Variants in TNRC6A observed in about 807,000 individuals in gnomAD.
The protein encoded by TNRC6A is trinucleotide repeat containing adaptor 6A.
In TNRC6A, 44 loss-of-function variants were observed where a neutral mutation model predicts 221.2. The ratio of observed to expected loss-of-function variants is 0.20; its 90% CI spans 0.16 to 0.26. The LOEUF (loss-of-function observed/expected upper bound fraction) is 0.26, where lower values mean the gene tolerates loss of function less well. Ranked by LOEUF, TNRC6A falls within the 10% of genes least tolerant of loss-of-function variation. The pLI is 1.00. For synonymous variants in TNRC6A, 847 were observed against 838.5 expected, an observed-to-expected ratio of 1.01 and a Z score of -0.18; for missense variants, 2,199 against 2,404.4, an observed-to-expected ratio of 0.91 and a Z score of 1.79.
At chr16:24,720,870 C>A (rs2056398580) in intron 2 of TNRC6A, among the ~76,000 whole-genome samples, 1 of 148,962 alleles carries the variant, frequency 6.7e-6, no homozygotes, top group Non-Finnish European at 1.5e-5. Flanking sequence ...CCCGTCTCTA[C>A]TAAAACAAAC....
At position 24,777,011 on chromosome 16, in the gene TNRC6A, C is replaced by A. The variant is rs768107642; in HGVS notation, c.242C>A (p.Thr81Asn). 6.2e-7 allele frequency: 1 copy of A among 1,614,120 alleles called. No individual in the cohort carries two copies. The highest frequency in any genetic ancestry group is 1.7e-5 in the Admixed American group (1 of 60,018). The change falls in exon 5 of 25, where the codon ACT becomes AAT. Residue 81 changes from threonine to asparagine, a missense_variant. This residue lies in a region of TNRC6A where 1,405 missense variants were observed against 1,400.2 expected (regional missense o/e 1.00). Coordinates refer to ENST00000395799, the MANE Select transcript of TNRC6A (RefSeq NM_014494.4). ...AACGGCACTTCCACAGCAACCAGCACTAATAATAATGCCAAGCGAGCTACA... is the reference window on the plus strand; with the variant it reads ...AACGGCACTTCCACAGCAACCAGCAATAATAATAATGCCAAGCGAGCTACA... The part of the protein sequence containing the change: ...SNNGTSTATS[T>N]NNNAKRATAN...
At chr16:24,809,806 A>T (rs2058507088) in intron 18 of TNRC6A, among the ~76,000 whole-genome samples, 1 of 152,116 alleles carries the variant, frequency 6.6e-6, no homozygotes. Flanking sequence ...ATTTAATTTG[A>T]TATGTTCTTA....
chr16:24,666,800 C>T (rs1275030306), intron 2 of TNRC6A, among the ~76,000 whole-genome samples: 1 of 150,954 alleles, frequency 6.6e-6, no homozygotes, highest in Non-Finnish European at 1.5e-5. Flanking sequence ...CGAAGGCACT[C>T]CAAAACTTAA....
At position 24,791,535 on chromosome 16, in the gene TNRC6A, C is replaced by A. The variant is rs750173996; in HGVS notation, c.2893C>A (p.Pro965Thr). 1.5e-5 allele frequency: 23 copies of A among 1,538,800 alleles called. No individual in the cohort carries two copies. The highest frequency in any genetic ancestry group is 2.0e-5 in the Non-Finnish European group (23 of 1,147,418). Residue 965 changes from proline to threonine, a missense_variant, in exon 6 of 25, where the codon CCT becomes ACT. Transcript: ENST00000395799. Reference protein sequence around the residue: ...SWGIPPATGKPPGTGWLGGPI... With the variant: ...SWGIPPATGKTPGTGWLGGPI... ...GGGAATCCCACCAGCTACAGGCAAACCTCCTGGTACAGGCTGGCTGGGGGG... is the reference window on the plus strand; with the variant it reads ...GGGAATCCCACCAGCTACAGGCAAAACTCCTGGTACAGGCTGGCTGGGGGG...
chr16:24,780,924 G>A (rs2057828285), intron 5 of TNRC6A, among the ~76,000 whole-genome samples: 1 of 151,446 alleles, frequency 6.6e-6, no homozygotes, highest in Non-Finnish European at 1.5e-5. Context: ...TTAGCACGGT[G>A]TACCTCCTTG....
chr16:24,636,677 A>G (rs868259544), intron 1 of TNRC6A, among the ~76,000 whole-genome samples: 2 of 152,096 alleles, frequency 1.3e-5, no homozygotes, highest in Admixed American at 6.6e-5. Context: ...TTTTATATCA[A>G]TTCATAAATA....
At chr16:24,716,664 C>T (rs925145848) in intron 2 of TNRC6A, among the ~76,000 whole-genome samples, 1 of 151,222 alleles carries the variant, frequency 6.6e-6, no homozygotes, top group African/African-American at 2.4e-5. Context: ...GACCGTCTCT[C>T]AAAAGAAAAA....
At chr16:24,745,468 C>T (rs1433360013) in intron 2 of TNRC6A, among the ~76,000 whole-genome samples, 3 of 152,270 alleles carry the variant, frequency 2.0e-5, no homozygotes, top group Non-Finnish European at 2.9e-5. Flanking sequence ...AGTAGGAGAA[C>T]AGAATGTTTT....
chr16:24,630,138 C>A (rs1461971022), intron 1 of TNRC6A, among the ~76,000 whole-genome samples: 2 of 152,166 alleles, frequency 1.3e-5, no homozygotes, highest in African/African-American at 4.8e-5. Context: ...ACTACCAGAT[C>A]TACCAACCTA....
Position 24,824,016 on chromosome 16 carries a change from C to T in TNRC6A, c.*209C>T, listed in dbSNP as rs1233010164. 1 of 399,162 alleles carries T rather than the reference C, an allele frequency of 2.5e-6. No individual in the cohort carries two copies. Among genetic ancestry groups the T allele is most frequent in the African/African-American group, 2.1e-5 (1 of 48,338 alleles). 24.7% of individuals were successfully genotyped at this position (399,162 alleles called of 1,614,324 possible). A position where few individuals can be genotyped will look rare whatever the true frequency, so the allele number is the denominator to read the frequency against. ...TGAAAAGGTATCTACTCTATTTACA[C>T]TCCCAAATAGCGCCATACATGCTAA... On this transcript the variant is annotated 3_prime_UTR_variant, in exon 25 of 25. Transcript: ENST00000395799.
rs772262268 is a variant in TNRC6A at position 24,645,961 on chromosome 16, G to C, written n.402+4952G>C. On this transcript the variant is annotated intron_variant and non_coding_transcript_variant, in intron 2 of 2. Transcript: ENST00000566108. ...TTGAGTCTGGGAGGCAGAGGTTGCC[G>C]TGAGCCAAGATAATGCCACTGCACT... is the stretch of plus-strand genomic sequence containing the variant. 2.6e-5 allele frequency among the ~76,000 whole-genome samples: 4 copies of C among 151,298 alleles called. No homozygotes were observed. In the East Asian group the frequency reaches 7.7e-4, roughly 29 times the overall value.
intron 2 of TNRC6A, among the ~76,000 whole-genome samples, chr16:24,651,539 A>AAAAT (rs1902657448): frequency 1.1e-4 from 5 of 46,218 alleles, no homozygotes; most frequent in Non-Finnish European, 2.0e-4. Context: ...ACTCCATCTC[A>AAAAT]AAAAAAAAAA....
chr16:24,716,284 T>C (rs2056311008), intron 2 of TNRC6A, among the ~76,000 whole-genome samples: 1 of 152,242 alleles, frequency 6.6e-6, no homozygotes, highest in Non-Finnish European at 1.5e-5. Context: ...AAATTTTGTC[T>C]GCATTTTTAG....
intron 19 of TNRC6A, 141 bp downstream of exon 19, chr16:24,815,446 A>C: frequency 2.0e-6 from 2 of 987,760 alleles, no homozygotes; most frequent in Non-Finnish European, 3.1e-6. Context: ...GAAGTGATTG[A>C]GGAAAAGTTA....
At chr16:24,804,519 C>A in intron 12 of TNRC6A, 186 bp from the exon 13 acceptor site, 1 of 1,120,048 alleles carries the variant, frequency 8.9e-7, no homozygotes, top group Non-Finnish European at 1.2e-6. Flanking sequence ...TCTTCTTAAT[C>A]CCATGAAATA....
intron 1 of TNRC6A, among the ~76,000 whole-genome samples, chr16:24,625,208 C>A (rs1203932177): frequency 6.6e-6 from 1 of 152,208 alleles, no homozygotes; most frequent in African/African-American, 2.4e-5. Flanking sequence ...GATAAAGTAT[C>A]AGGAAATTGA....
intron 5 of TNRC6A, among the ~76,000 whole-genome samples, chr16:24,780,515 A>C (rs1408536030): frequency 2.6e-5 from 4 of 152,200 alleles, no homozygotes; most frequent in African/African-American, 9.7e-5. Flanking sequence ...GTTTGTTCAC[A>C]GTATGTTAGT....
rs2151877260 is a variant in TNRC6A at position 24,791,317 on chromosome 16, A to G, written c.2675A>G (p.Lys892Arg). The G allele has an allele frequency of 6.2e-7, 1 of 1,608,764 alleles. No homozygotes were observed. Among genetic ancestry groups the G allele is most frequent in the East Asian group, 2.2e-5 (1 of 44,836 alleles). Residue 892 changes from lysine to arginine, a missense_variant, in exon 6 of 25, where the codon AAA becomes AGA. Coordinates refer to ENST00000395799, the MANE Select transcript of TNRC6A (RefSeq NM_014494.4). ...GTTTCCGGTTGGAACGAACTTGGTA[A>G]AACTAGTTCTTTCACTTGGGGAAAC... ...RSVSGWNELG[K>R]TSSFTWGNNI...
intron 2 of TNRC6A, among the ~76,000 whole-genome samples, chr16:24,743,657 A>G (rs899990611): frequency 1.3e-5 from 2 of 152,232 alleles, no homozygotes; most frequent in Non-Finnish European, 1.5e-5. Context: ...GAGAAATGCA[A>G]GAATAGAACA....
Sources: gnomAD v4.1 joint callset for allele counts (sites outside exome capture counted in the v4.1 genomes callset) on GRCh38, gnomAD v4.1.1 for gene constraint, gnomAD v4.1.1 regional missense constraint, MANE v1.5 for transcripts, NCBI Gene and HGNC (gene_info 2026-07-23, HGNC 2026-07-21) for gene names.